Variants in PCDH11X observed in about 807,000 individuals in gnomAD.
PCDH11X encodes the protein protocadherin-11 X-linked.
In PCDH11X, 18 loss-of-function variants were observed where a neutral mutation model predicts 53.3. That is an observed-to-expected ratio of 0.34 (90% CI 0.23 to 0.50). The LOEUF (loss-of-function observed/expected upper bound fraction) is 0.50. PCDH11X is among the 20% of genes least tolerant of loss of function. The pLI is 0.98. For synonymous variants in PCDH11X, 279 were observed against 393.3 expected (o/e 0.71, Z 3.44); for missense variants, 570 against 1,032.4 (o/e 0.55, Z 6.14).
At position 92,128,640 on chromosome X, in the gene PCDH11X, C is replaced by G. The variant is rs970969252; in HGVS notation, c.3034-72735C>G. The stretch of plus-strand genomic sequence containing the variant: ...TCTCAAACTCCTGACTTCAGGTGAT[C>G]TGTCTGCCTCGGCCTCCCAAAGTGC... On this transcript the variant is annotated intron_variant, in intron 6 of 10. Transcript: ENST00000682573. Among the ~76,000 whole-genome samples, 17 of 110,173 alleles carry G rather than the reference C, an allele frequency of 1.5e-4. No homozygotes were observed. In the Admixed American group the frequency reaches 1.6e-3, roughly 10 times the overall value.
rs999365103 is a variant in PCDH11X, at chrX:92,299,135, C to T, written c.3144+35992C>T. ...GTTTGTGGAGGCCTGCGGAGTTTCT[C>T]CATACTCCCAATAAAACTTATTTAA... On this transcript the variant is annotated intron_variant, in intron 8 of 10. Coordinates refer to ENST00000682573, the MANE Select transcript of PCDH11X (RefSeq NM_032968.5). Among the ~76,000 whole-genome samples, 72 of 110,858 alleles carry T rather than the reference C, an allele frequency of 6.5e-4. 1 individual carries two copies. Among genetic ancestry groups the T allele is most frequent in the Non-Finnish European group, 1.2e-3 (62 of 52,936 alleles).
chrX:92,405,967 C>T (rs1357650944), intron 9 of PCDH11X, among the ~76,000 whole-genome samples: 1 of 108,326 alleles, frequency 9.2e-6, no homozygotes, highest in African/African-American at 3.4e-5. Flanking sequence ...TGGTGGCGGG[C>T]GCCTGTAGTC....
intron 7 of PCDH11X, among the ~76,000 whole-genome samples, chrX:92,240,875 T>G (rs888655526): frequency 9.0e-6 from 1 of 110,775 alleles, no homozygotes; most frequent in South Asian, 3.8e-4. Context: ...TCTCGATCAC[T>G]TAAAGTTTGC....
intron 6 of PCDH11X, among the ~76,000 whole-genome samples, chrX:92,089,478 C>T (rs1382369578): frequency 8.9e-6 from 1 of 111,951 alleles, no homozygotes; most frequent in Non-Finnish European, 1.9e-5. Flanking sequence ...ATTCTACATT[C>T]CTTTAGGAGA....
At chrX:92,354,527 C>T (rs1236114591) in intron 8 of PCDH11X, among the ~76,000 whole-genome samples, 1 of 110,685 alleles carries the variant, frequency 9.0e-6, no homozygotes, top group African/African-American at 3.3e-5. Context: ...GATGAGAAAA[C>T]TGATGCCAAC....
chrX:92,276,944 T>C (rs1013679962), intron 8 of PCDH11X, among the ~76,000 whole-genome samples: 4 of 111,294 alleles, frequency 3.6e-5, no homozygotes, highest in Non-Finnish European at 7.5e-5. Context: ...GACTATGCCT[T>C]TGGCTCCAGC....
chrX:92,056,307 G>A (rs1181619255), intron 6 of PCDH11X, among the ~76,000 whole-genome samples: 1 of 111,653 alleles, frequency 9.0e-6, no homozygotes, highest in Non-Finnish European at 1.9e-5. Flanking sequence ...TTTTTTTCAT[G>A]ATGGTTGGCT....
intron 6 of PCDH11X, among the ~76,000 whole-genome samples, chrX:91,902,015 T>C (rs986378676): frequency 1.2e-4 from 13 of 111,700 alleles, no homozygotes; most frequent in Non-Finnish European, 2.3e-4. Flanking sequence ...AGGAATTAAA[T>C]AAGCTAAAAC....
At chrX:92,257,731 G>T (rs1397089291) in intron 7 of PCDH11X, among the ~76,000 whole-genome samples, 3 of 112,659 alleles carry the variant, frequency 2.7e-5, no homozygotes, top group African/African-American at 9.7e-5. Context: ...AAATACTGGT[G>T]CAAACGGTGG....
intron 8 of PCDH11X, among the ~76,000 whole-genome samples, chrX:92,275,790 C>A (rs1255310622): frequency 9.0e-6 from 1 of 111,394 alleles, no homozygotes; most frequent in Non-Finnish European, 1.9e-5. Context: ...AATCCTTTTA[C>A]AGCATGCTGT....
At chrX:92,601,920 T>C (rs1429561929) in intron 10 of PCDH11X, among the ~76,000 whole-genome samples, 2 of 111,822 alleles carry the variant, frequency 1.8e-5, no homozygotes, top group South Asian at 7.4e-4. Flanking sequence ...AACAGGTCTG[T>C]GTTGCAGAAG....
chrX:92,036,167 T>C (rs1310015338), intron 6 of PCDH11X, among the ~76,000 whole-genome samples: 1 of 99,994 alleles, frequency 1.0e-5, no homozygotes, highest in Non-Finnish European at 2.0e-5. Flanking sequence ...TTTATTTAGT[T>C]CCTTTGGTGA....
intron 6 of PCDH11X, among the ~76,000 whole-genome samples, chrX:91,978,022 C>A (rs1346710007): frequency 2.7e-5 from 3 of 111,694 alleles, no homozygotes; most frequent in Non-Finnish European, 5.6e-5. Flanking sequence ...GATCGTATAA[C>A]CCTCCTTTGT....
At chrX:91,854,116 T>G (rs1207820552) in intron 5 of PCDH11X, among the ~76,000 whole-genome samples, 1 of 111,333 alleles carries the variant, frequency 9.0e-6, no homozygotes, top group Non-Finnish European at 1.9e-5. Flanking sequence ...CATTCTTTCT[T>G]TTTTGGTACC....
At chrX:92,089,456 A>T (rs1397889398) in intron 6 of PCDH11X, among the ~76,000 whole-genome samples, 55 of 112,395 alleles carry the variant, frequency 4.9e-4, no homozygotes, top group Admixed American at 2.4e-3. Context: ...CTGAAATAAA[A>T]TAAAAACCCA....
At chrX:92,346,759 C>A (rs1243217269) in intron 8 of PCDH11X, among the ~76,000 whole-genome samples, 2 of 111,847 alleles carry the variant, frequency 1.8e-5, no homozygotes, top group Non-Finnish European at 3.8e-5. Context: ...CTCATGGTGG[C>A]AGCCATAGAT....
intron 7 of PCDH11X, among the ~76,000 whole-genome samples, chrX:92,230,581 TA>T (rs2067057493): frequency 1.0e-5 from 1 of 95,475 alleles, no homozygotes; most frequent in Non-Finnish European, 2.0e-5. Context: ...ATAATATATA[TA>T]ATATATATAA....
intron 9 of PCDH11X, among the ~76,000 whole-genome samples, chrX:92,399,124 C>T (rs1274398716): frequency 1.9e-5 from 2 of 105,458 alleles, no homozygotes; most frequent in African/African-American, 7.0e-5. Context: ...ACCCTGGAGG[C>T]GGAGCTTGCA....
chrX:92,097,848 A>G (rs2064166953), intron 6 of PCDH11X, among the ~76,000 whole-genome samples: 1 of 110,937 alleles, frequency 9.0e-6, no homozygotes, highest in East Asian at 2.8e-4. Flanking sequence ...TAGTCTACAC[A>G]CCTTCTCCTG....
Sources: allele counts gnomAD v4.1 joint callset (sites outside exome capture counted in the v4.1 genomes callset), GRCh38; gene constraint gnomAD v4.1.1; transcripts MANE v1.5; gene names NCBI Gene and HGNC (gene_info 2026-07-23, HGNC 2026-07-21).